Variants in DMD observed in about 807,000 individuals in gnomAD.
The protein encoded by DMD is mutant dystrophin.
In DMD, 63 loss-of-function variants were observed where a neutral mutation model predicts 330.1. The observed-to-expected ratio is 0.19, with a 90% CI of 0.16 to 0.24. The LOEUF is 0.24. Ranked by LOEUF, DMD falls within the 10% of genes least tolerant of loss-of-function variation. The pLI is 1.00. For missense variants in DMD, 3,344 were observed against 2,684.1 expected (o/e 1.25, Z -5.43); for synonymous variants, 1,223 against 959.8 (o/e 1.27, Z -5.07).
chrX:31,191,472 G>A (rs985210215), intron 67 of DMD, among the ~76,000 whole-genome samples: 6 of 111,466 alleles, frequency 5.4e-5, no homozygotes, highest in Non-Finnish European at 9.4e-5. Context: ...CCCACATGTC[G>A]TGGGAGGAGC....
chrX:31,383,898 C>A (rs2060308690), intron 60 of DMD, among the ~76,000 whole-genome samples: 1 of 111,711 alleles, frequency 9.0e-6, no homozygotes, highest in South Asian at 3.8e-4. Context: ...AAATCCCCCG[C>A]ATTTACCATC....
At chrX:32,035,725 GA>G (rs1042645367) in intron 44 of DMD, among the ~76,000 whole-genome samples, 2 of 110,584 alleles carry the variant, frequency 1.8e-5, no homozygotes, top group Non-Finnish European at 3.8e-5. Context: ...TTTCCTGGTA[GA>G]AAAAAAATAT....
intron 7 of DMD, among the ~76,000 whole-genome samples, chrX:32,802,896 C>T (rs1175782103): frequency 8.9e-6 from 1 of 111,792 alleles, no homozygotes; most frequent in Non-Finnish European, 1.9e-5. Context: ...GAGCCTTTCA[C>T]ATTGATGTTC....
At chrX:31,814,605 T>C (rs910290017) in intron 50 of DMD, among the ~76,000 whole-genome samples, 6 of 109,323 alleles carry the variant, frequency 5.5e-5, no homozygotes, top group Non-Finnish European at 9.5e-5. Context: ...GAATCAAATA[T>C]CCTGATTTGG....
chrX:33,189,487 T>G (rs2050425578), intron 1 of DMD, among the ~76,000 whole-genome samples: 1 of 111,107 alleles, frequency 9.0e-6, no homozygotes, highest in Non-Finnish European at 1.9e-5. Flanking sequence ...ATTGGCGGAG[T>G]CAATGGAGAT....
In DMD at chrX:31,679,509, T is replaced by G; in HGVS notation, c.7738A>C (p.Lys2580Gln). 1 of 1,211,712 alleles carries G rather than the reference T, an allele frequency of 8.3e-7. No homozygotes were observed. Among genetic ancestry groups the G allele is most frequent in the Non-Finnish European group, 1.1e-6 (1 of 895,314 alleles). The change falls in exon 53 of 79, where the codon AAG (lysine) becomes CAG (glutamine). Residue 2580 changes from lysine (K) to glutamine (Q), a missense_variant. Lys to Gln is a moderately conservative substitution (Grantham distance 53). Coordinates refer to ENST00000357033, the MANE Select transcript of DMD (RefSeq NM_004006.3). ...GCTTCCAGCCATTGTGTTGAATCCT[T>G]TAACATTTCATTCAACTGTTGCCTC... ...NRRQQLNEML[K>Q]DSTQWLEAKE...
At chrX:32,884,103 T>A (rs1236348808) in intron 2 of DMD, among the ~76,000 whole-genome samples, 1 of 110,726 alleles carries the variant, frequency 9.0e-6, no homozygotes, top group Non-Finnish European at 1.9e-5. Flanking sequence ...ATTCCCAATG[T>A]CCCCTATACT....
chrX:32,540,643 T>C (rs1011896655), intron 17 of DMD, among the ~76,000 whole-genome samples: 2 of 112,051 alleles, frequency 1.8e-5, no homozygotes, highest in African/African-American at 3.2e-5. Flanking sequence ...GGTTACTTAT[T>C]GTATCCACGG....
At chrX:32,851,568 G>T (rs1050855960) in intron 2 of DMD, among the ~76,000 whole-genome samples, 3 of 112,294 alleles carry the variant, frequency 2.7e-5, no homozygotes, top group African/African-American at 9.7e-5. Context: ...AGCCACACAA[G>T]CAAGCACCTA....
chrX:31,664,638 A>G (rs2081320858), intron 53 of DMD, among the ~76,000 whole-genome samples: 1 of 94,681 alleles, frequency 1.1e-5, no homozygotes, highest in South Asian at 5.2e-4. Context: ...GGCAGGGAAC[A>G]TACTCCCTGG....
chrX:32,650,446 T>C (rs1468753101), intron 9 of DMD, among the ~76,000 whole-genome samples: 1 of 111,653 alleles, frequency 9.0e-6, no homozygotes, highest in Non-Finnish European at 1.9e-5. Flanking sequence ...CAGTAAAAGA[T>C]TATTTCCAAG....
At chrX:33,062,213 A>G (rs1220493415) in intron 1 of DMD, among the ~76,000 whole-genome samples, 1 of 112,149 alleles carries the variant, frequency 8.9e-6, no homozygotes, top group Non-Finnish European at 1.9e-5. Context: ...AGGGCAAATT[A>G]AAATGCAGGA....
intron 1 of DMD, among the ~76,000 whole-genome samples, chrX:33,177,561 T>C (rs1215311530): frequency 1.8e-5 from 2 of 110,573 alleles, no homozygotes; most frequent in Non-Finnish European, 3.8e-5. Flanking sequence ...ATTTTTTGTA[T>C]TTTTAGTAGA....
chrX:32,495,951 T>C (rs1332909812), intron 19 of DMD, among the ~76,000 whole-genome samples: 2 of 111,969 alleles, frequency 1.8e-5, no homozygotes, highest in Non-Finnish European at 3.8e-5. Context: ...TCAGGGATAA[T>C]GGATCATAAT....
chrX:32,586,463 T>A (rs899511193), intron 13 of DMD, among the ~76,000 whole-genome samples: 1 of 108,837 alleles, frequency 9.2e-6, no homozygotes, highest in Non-Finnish European at 1.9e-5. Context: ...ATGTTTATAT[T>A]ATATATATTT....
At chrX:31,170,776 A>G (rs1290658595) in intron 73 of DMD, among the ~76,000 whole-genome samples, 1 of 111,886 alleles carries the variant, frequency 8.9e-6, no homozygotes, top group African/African-American at 3.2e-5. Context: ...AGTTTTTGCC[A>G]TCCAACATTG....
intron 1 of DMD, among the ~76,000 whole-genome samples, chrX:33,240,531 G>T (rs2052570685): frequency 8.9e-6 from 1 of 112,041 alleles, no homozygotes; most frequent in Non-Finnish European, 1.9e-5. Flanking sequence ...ACTTGGGTGT[G>T]CAGATATCTC....
In DMD at chrX:31,121,861, A is replaced by G. The variant is rs1364796573; in HGVS notation, c.*58T>C. ...TTCTGCTCCTTCTTCATCTGTCATG[A>G]CTGATACTAAGGACTCCATCGCTCT... is the stretch of plus-strand genomic sequence containing the variant. On this transcript the variant is annotated 3_prime_UTR_variant, in exon 79 of 79. Transcript: ENST00000357033. 2 of 1,203,481 alleles carry G rather than the reference A, an allele frequency of 1.7e-6. No individual in the cohort carries two copies. Among genetic ancestry groups the G allele is most frequent in the African/African-American group, 1.7e-5 (1 of 57,202 alleles).
At chrX:31,652,981 A>G (rs1464825924) in intron 54 of DMD, among the ~76,000 whole-genome samples, 2 of 111,787 alleles carry the variant, frequency 1.8e-5, no homozygotes, top group Non-Finnish European at 3.8e-5. Flanking sequence ...GGGAGGAGCA[A>G]AAAGAAAGAA....
Sources: gnomAD v4.1 joint callset for allele counts (sites outside exome capture counted in the v4.1 genomes callset) on GRCh38, gnomAD v4.1.1 for gene constraint, MANE v1.5 for transcripts, NCBI Gene and HGNC (gene_info 2026-07-23, HGNC 2026-07-21) for gene names.